Variants in EDRF1 observed in about 807,000 individuals in gnomAD.
The protein encoded by EDRF1 is erythroid differentiation-related factor 1.
A neutral mutation model predicts 148.7 loss-of-function variants in EDRF1; 69 were observed. The ratio of observed to expected loss-of-function variants is 0.46; its 90% CI spans 0.38 to 0.57. EDRF1 has a LOEUF of 0.57. Among genes scored for constraint, EDRF1 ranks in the 20% least tolerant of loss-of-function variants. The pLI, the probability that EDRF1 is intolerant of heterozygous loss-of-function variation, is 0.00. For synonymous variants in EDRF1, 515 were observed against 532.8 expected (o/e 0.97, Z 0.46); for missense variants, 1,118 against 1,478.7 (o/e 0.76, Z 4.00).
intron 24 of EDRF1, among the ~76,000 whole-genome samples, chr10:125,760,613 G>A (rs1483293280): frequency 6.6e-6 from 1 of 152,114 alleles, no homozygotes; most frequent in Admixed American, 6.5e-5. Flanking sequence ...TCACTGATGT[G>A]CAAATGAAAA....
Position 125,737,993 on chromosome 10 carries a change from A to G in EDRF1, c.1830+4A>G. The G allele has an allele frequency of 6.2e-7, 1 of 1,613,624 alleles. No individual in the cohort carries two copies. Among genetic ancestry groups the G allele is most frequent in the Non-Finnish European group, 8.5e-7 (1 of 1,179,610 alleles). ...TGTGCTTAGCTATGTTCTAGAGGTA[A>G]GTTTAAGTTTAGTCTTCACTTTTTT... is the stretch of plus-strand genomic sequence containing the variant. On this transcript the variant is annotated splice_donor_region_variant and intron_variant, in intron 14 of 24. Coordinates refer to ENST00000356792, the MANE Select transcript of EDRF1 (RefSeq NM_001202438.2).
intron 22 of EDRF1, among the ~76,000 whole-genome samples, chr10:125,750,879 C>T (rs564716337): frequency 2.0e-4 from 31 of 152,248 alleles, no homozygotes; most frequent in African/African-American, 7.5e-4. Context: ...TTCACTTGCA[C>T]CTTTGAATAT....
chr10:125,724,824 GAATA>G (rs1375398724), intron 4 of EDRF1, among the ~76,000 whole-genome samples: 6 of 152,286 alleles, frequency 3.9e-5, no homozygotes, highest in Middle Eastern at 3.4e-3. Context: ...AGTCTTTAAA[GAATA>G]TTACTACAGT....
chr10:125,728,022 C>A (rs1295451255), intron 6 of EDRF1, among the ~76,000 whole-genome samples: 1 of 151,676 alleles, frequency 6.6e-6, no homozygotes, highest in Non-Finnish European at 1.5e-5. Context: ...CATGGCGAAA[C>A]CCCATCTCTA....
Position 125,743,056 on chromosome 10 carries a change from A to G in EDRF1, c.2372-2A>G. ...ATTGATGTATCCCTTTTTTCTTTTC[A>G]GGATTTGCATGGGCAACTGATTTGT... On this transcript the variant is annotated splice_acceptor_variant, in intron 17 of 24. Coordinates refer to ENST00000356792, the MANE Select transcript of EDRF1 (RefSeq NM_001202438.2). LOFTEE classifies it high-confidence loss of function. The G allele has an allele frequency of 1.2e-6, 2 of 1,613,270 alleles. No homozygotes were observed. The highest frequency in any genetic ancestry group is 1.7e-6 in the Non-Finnish European group (2 of 1,179,796).
chr10:125,725,738 C>T lies in EDRF1; in HGVS notation c.692C>T (p.Ser231Leu), dbSNP rs745329281. Residue 231 changes from serine to leucine, a missense_variant, in exon 6 of 25, where the codon TCG becomes TTG. Around this residue, in one of 3 missense-constraint regions of EDRF1, gnomAD observed 954 missense variants for 1,241.4 expected, o/e 0.77. Coordinates refer to ENST00000356792, the MANE Select transcript of EDRF1 (RefSeq NM_001202438.2). ...PVSSTAEQQESSSSDQTNDSE... is the reference protein window; with the variant it reads ...PVSSTAEQQELSSSDQTNDSE... Reference sequence around the variant, plus strand: ...TCATCCACCGCAGAACAGCAGGAATCGTCCAGTTCAGATCAGACAAATGAT... The same window carrying T: ...TCATCCACCGCAGAACAGCAGGAATTGTCCAGTTCAGATCAGACAAATGAT... 18 of 1,613,970 alleles carry T rather than the reference C, an allele frequency of 1.1e-5. No homozygotes were observed. The highest frequency in any genetic ancestry group is 2.7e-5 in the African/African-American group (2 of 74,890).
chr10:125,753,932 G>A (rs756383656), intron 24 of EDRF1, 87 bp downstream of exon 24: 81 of 1,451,848 alleles, frequency 5.6e-5, no homozygotes, highest in Non-Finnish European at 7.4e-5. Context: ...AGAAAAACTA[G>A]GGGCCAGGCA....
chr10:125,722,916 A>G (rs1848076363), intron 2 of EDRF1, 152 bp from the exon 3 acceptor site: 1 of 751,916 alleles, frequency 1.3e-6, no homozygotes, highest in Non-Finnish European at 2.4e-6. Flanking sequence ...AAACTTGCCA[A>G]CTGTGATGGT....
At chr10:125,743,776 G>A (rs1849163431) in intron 18 of EDRF1, among the ~76,000 whole-genome samples, 1 of 152,138 alleles carries the variant, frequency 6.6e-6, no homozygotes, top group African/African-American at 2.4e-5. Context: ...GAGGAAAGGA[G>A]GGCACTCCAG....
In EDRF1 at chr10:125,759,717, A is replaced by AT. The variant is rs971906199; in HGVS notation, c.3546-3573dup. Among the ~76,000 whole-genome samples, 220 of 147,848 alleles carry AT rather than the reference A, an allele frequency of 1.5e-3. 1 individual carries two copies. The highest frequency in any genetic ancestry group is 4.7e-3 in the East Asian group (24 of 5,062). On this transcript the variant is annotated intron_variant, in intron 24 of 24. Transcript: ENST00000356792. ...GTTGTGTGTGTTTTTATTTTTATTT[A>AT]TTTTTTTTTTTGAGACAGAGTCTCG...
At chr10:125,751,658 C>G (rs916975649) in intron 22 of EDRF1, among the ~76,000 whole-genome samples, 1 of 152,188 alleles carries the variant, frequency 6.6e-6, no homozygotes, top group Non-Finnish European at 1.5e-5. Context: ...CGGGGAGTCC[C>G]CAAGACCATT....
intron 20 of EDRF1, 52 bp from the exon 21 acceptor site, chr10:125,747,811 C>G: frequency 6.2e-7 from 1 of 1,612,630 alleles, no homozygotes; most frequent in South Asian, 1.1e-5. Flanking sequence ...TTAAAAACTC[C>G]TACAGTCAGA....
rs963223552 is a variant in EDRF1, at chr10:125,719,735, C to G, written c.-73C>G. On this transcript the variant is annotated 5_prime_UTR_variant, in exon 1 of 25. Coordinates refer to ENST00000356792, the MANE Select transcript of EDRF1 (RefSeq NM_001202438.2). Reference sequence around the variant, plus strand: ...GTCCGCGGAGCGTCTCTGGCGCTTACCCTGCTTTGGGCCTGCGTTGCTGCT... The same window carrying G: ...GTCCGCGGAGCGTCTCTGGCGCTTAGCCTGCTTTGGGCCTGCGTTGCTGCT... The G allele has an allele frequency of 5.5e-5, 68 of 1,246,482 alleles. No individual in the cohort carries two copies. The highest frequency in any genetic ancestry group is 7.3e-5 in the Non-Finnish European group (65 of 889,856). The allele number at this position is 1,246,482 out of a possible 1,614,324, so 77.2% of individuals were successfully genotyped here.
At chr10:125,723,682 A>G in intron 3 of EDRF1, 129 bp from the exon 4 acceptor site, 1 of 985,286 alleles carries the variant, frequency 1.0e-6, no homozygotes, top group Non-Finnish European at 1.5e-6. Flanking sequence ...TTTTGTTTAA[A>G]GTTCTATTTG....
At chr10:125,750,157 CA>C (rs111620834) in intron 22 of EDRF1, among the ~76,000 whole-genome samples, 4 of 150,562 alleles carry the variant, frequency 2.7e-5, no homozygotes, top group Non-Finnish European at 5.9e-5. Context: ...CAAAAACAAA[CA>C]AAAAAAAAGA....
At chr10:125,729,681 T>G (rs1227258440) in intron 8 of EDRF1, among the ~76,000 whole-genome samples, 2 of 152,086 alleles carry the variant, frequency 1.3e-5, no homozygotes, top group African/African-American at 2.4e-5. Flanking sequence ...TTTTTTCCCC[T>G]CCCTCCTTCC....
chr10:125,727,586 T>TA (rs949266484), intron 6 of EDRF1, among the ~76,000 whole-genome samples: 7 of 152,032 alleles, frequency 4.6e-5, no homozygotes, highest in Non-Finnish European at 1.0e-4. Flanking sequence ...AATAATAAAA[T>TA]AAAAAAGAGT....
In EDRF1 at chr10:125,743,089, C is replaced by T; in HGVS notation, c.2403C>T (p.Asp801=). Residue 801 remains aspartate (D), a synonymous_variant, in exon 18 of 25, where the codon GAC becomes GAT. Coordinates refer to ENST00000356792, the MANE Select transcript of EDRF1 (RefSeq NM_001202438.2). ...GFAWATDLST[D]LESQLSVSCK... ...CATGGGCAACTGATTTGTCTACAGA[C>T]TTAGAAAGTCAACTCTCTGTTAGTT... The T allele has an allele frequency of 1.2e-6, 2 of 1,613,852 alleles. No homozygotes were observed. The highest frequency in any genetic ancestry group is 1.7e-6 in the Non-Finnish European group (2 of 1,179,942).
At chr10:125,725,541 T>C in intron 5 of EDRF1, 99 bp downstream of exon 5, 1 of 1,574,546 alleles carries the variant, frequency 6.4e-7, no homozygotes, top group Non-Finnish European at 8.7e-7. Flanking sequence ...TTTGCCCCTG[T>C]GATACTGTTA....
Sources: allele counts gnomAD v4.1 joint callset (sites outside exome capture counted in the v4.1 genomes callset), GRCh38; gene constraint gnomAD v4.1.1; regional missense constraint gnomAD v4.1.1; transcripts MANE v1.5; gene names NCBI Gene and HGNC (gene_info 2026-07-23, HGNC 2026-07-21).